The following PHC3 variants were observed in gnomAD, a reference collection of about 807,000 sequenced individuals.
The protein encoded by PHC3 is polyhomeotic homolog 3, also known as polyhomeotic-like protein 3.
Under a neutral mutation model 107.4 loss-of-function variants are expected in PHC3, and 13 were observed. That is an observed-to-expected ratio of 0.12 (90% CI 0.08 to 0.19). The LOEUF is 0.19. Among genes scored for constraint, PHC3 ranks in the 10% least tolerant of loss-of-function variants. The probability of loss-of-function intolerance (pLI) is 1.00; values close to 1 mark genes in which losing one functional copy is unlikely to be tolerated. For synonymous variants in PHC3, 456 were observed against 427.4 expected, an observed-to-expected ratio of 1.07 and a Z score of -0.83; for missense variants, 992 against 1,210.9, an observed-to-expected ratio of 0.82 and a Z score of 2.68.
intron 7 of PHC3, among the ~76,000 whole-genome samples, chr3:170,132,020 C>T (rs1193973220): frequency 6.6e-6 from 1 of 151,986 alleles, no homozygotes; most frequent in African/African-American, 2.4e-5. Context: ...ACATATATTA[C>T]AGAATAATTA....
chr3:170,114,281 T>G (rs2108353680), intron 10 of PHC3, among the ~76,000 whole-genome samples: 1 of 152,326 alleles, frequency 6.6e-6, no homozygotes, highest in African/African-American at 2.4e-5. Context: ...AGTGCTGGGA[T>G]TACAGGCGTG....
rs566884157 is a variant in PHC3, at chr3:170,092,954, CTA to C, written c.*4274_*4275del. On this transcript the variant is annotated 3_prime_UTR_variant, in exon 15 of 15. Transcript: ENST00000495893. ...ATCTAACAAAACGCATTATTTTGAA[CTA>C]TGGATGAAAGCCATATCTATCCTAA... The C allele has an allele frequency of 6.6e-6, 1 of 152,304 alleles. No homozygotes were observed. Among genetic ancestry groups the C allele is most frequent in the South Asian group, 2.1e-4 (1 of 4,822 alleles). The allele number at this position is 152,304 out of a possible 1,614,324, so 9.4% of individuals were successfully genotyped here. A position where few individuals can be genotyped will look rare whatever the true frequency, so the allele number is the denominator to read the frequency against.
rs1352192822 is a variant in PHC3, at chr3:170,095,358, GTAAACATCTTTTTT to G, written c.*1858_*1871del. 6.6e-6 allele frequency: 1 copy of G among 152,018 alleles called. No homozygotes were observed. The highest frequency in any genetic ancestry group is 2.4e-5 in the African/African-American group (1 of 41,392). 9.4% of individuals were successfully genotyped at this position (152,018 alleles called of 1,614,324 possible). A position where few individuals can be genotyped will look rare whatever the true frequency, so the allele number is the denominator to read the frequency against. On this transcript the variant is annotated 3_prime_UTR_variant, in exon 15 of 15. Coordinates refer to ENST00000495893, the MANE Select transcript of PHC3 (RefSeq NM_024947.4). ...ATTCTAATCCTACATGTAACTATCA[GTAAACATCTTTTTT>G]TAAAACATTACTACACAAAGAATTC...
intron 5 of PHC3, chr3:170,148,838 C>T: frequency 2.9e-6 from 1 of 349,516 alleles, no homozygotes; most frequent in Non-Finnish European, 5.3e-6. Context: ...AATAATCACT[C>T]TTACGTTACT....
chr3:170,112,184 T>C (rs780100142), intron 11 of PHC3, among the ~76,000 whole-genome samples: 18 of 152,264 alleles, frequency 1.2e-4, no homozygotes, highest in Admixed American at 3.3e-4. Flanking sequence ...TTCAGTCATT[T>C]TGGATACCAC....
chr3:170,117,443 C>T lies in PHC3; in HGVS notation c.1976G>A (p.Ser659Asn), dbSNP rs769089100. 2.6e-5 allele frequency: 42 copies of T among 1,613,400 alleles called. No individual in the cohort carries two copies. Among genetic ancestry groups the T allele is most frequent in the Non-Finnish European group, 3.6e-5 (42 of 1,179,674 alleles). ...QVELPAVASVSASVIKSPSDP... is the reference protein window; with the variant it reads ...QVELPAVASVNASVIKSPSDP... ...TGATGGAGATTTAATTACTGAAGCA[C>T]TGACTGATGCCACAGCAGGTAATTC... The change falls in exon 10 of 15, where the codon AGT becomes AAT. Residue 659 changes from serine to asparagine, a missense_variant. Ser to Asn is a conservative substitution (Grantham distance 46). Coordinates refer to ENST00000495893, the MANE Select transcript of PHC3 (RefSeq NM_024947.4).
chr3:170,132,752 AGATT>A (rs1314971158), intron 7 of PHC3, among the ~76,000 whole-genome samples: 3 of 152,242 alleles, frequency 2.0e-5, no homozygotes, highest in Non-Finnish European at 4.4e-5. Flanking sequence ...CAGCTGGAGC[AGATT>A]GATTAATACA....
At chr3:170,169,728 A>G (rs1729290395) in intron 4 of PHC3, 1 of 152,264 alleles carries the variant, frequency 6.6e-6, no homozygotes, top group African/African-American at 2.4e-5. Context: ...GACAGTTTAA[A>G]AAGATACCTT....
At chr3:170,126,634 C>A (rs909084834) in intron 8 of PHC3, among the ~76,000 whole-genome samples, 2 of 150,742 alleles carry the variant, frequency 1.3e-5, no homozygotes, top group Non-Finnish European at 2.9e-5. Flanking sequence ...CTCTGCCTCA[C>A]GGGTTCAAGC....
intron 8 of PHC3, among the ~76,000 whole-genome samples, chr3:170,124,400 T>C (rs1355848071): frequency 6.6e-6 from 1 of 152,180 alleles, no homozygotes; most frequent in Non-Finnish European, 1.5e-5. Flanking sequence ...AAGTGTTTTT[T>C]GAGAAAGGGT....
intron 6 of PHC3, among the ~76,000 whole-genome samples, 174 bp from the exon 7 acceptor site, chr3:170,136,839 A>C (rs1168617459): frequency 6.6e-6 from 1 of 152,146 alleles, no homozygotes; most frequent in African/African-American, 2.4e-5. Context: ...TATTATTCTA[A>C]GTAATCACAT....
chr3:170,176,220 G>A (rs559078703), intron 2 of PHC3, among the ~76,000 whole-genome samples: 3 of 135,284 alleles, frequency 2.2e-5, no homozygotes, highest in Admixed American at 1.5e-4. Flanking sequence ...AGCGAGACTC[G>A]GTCTCAAAAA....
chr3:170,154,773 C>A (rs1726622159), intron 4 of PHC3, among the ~76,000 whole-genome samples: 1 of 152,174 alleles, frequency 6.6e-6, no homozygotes, highest in Admixed American at 6.5e-5. Context: ...ACTAATAACA[C>A]CCAACTCATG....
intron 4 of PHC3, among the ~76,000 whole-genome samples, chr3:170,162,093 T>C (rs1049541163): frequency 6.6e-6 from 1 of 152,220 alleles, no homozygotes; most frequent in South Asian, 2.1e-4. Flanking sequence ...GGAAGTTAAA[T>C]GACTTGCCAT....
chr3:170,090,418 A>G lies in PHC3; in HGVS notation c.*6812T>C, dbSNP rs1339774214. On this transcript the variant is annotated 3_prime_UTR_variant, in exon 15 of 15. Transcript: ENST00000495893. Reference sequence around the variant, plus strand: ...AAACACTGCACATGTAAGTGTTCAAATAGTTTGCTAAATGAATTTAAGTAC... The same window carrying G: ...AAACACTGCACATGTAAGTGTTCAAGTAGTTTGCTAAATGAATTTAAGTAC... The G allele has an allele frequency of 2.0e-5, 3 of 150,458 alleles. No individual in the cohort carries two copies. The highest frequency in any genetic ancestry group is 7.5e-5 in the African/African-American group (3 of 39,808). 9.3% of individuals were successfully genotyped at this position (150,458 alleles called of 1,614,324 possible). A position where few individuals can be genotyped will look rare whatever the true frequency, so the allele number is the denominator to read the frequency against.
At chr3:170,111,378 A>AAGAG (rs577839739) in intron 11 of PHC3, among the ~76,000 whole-genome samples, 5 of 149,958 alleles carry the variant, frequency 3.3e-5, no homozygotes, top group Non-Finnish European at 5.9e-5. Flanking sequence ...AAAAGAAAGA[A>AAGAG]AGAGAGAGAA....
intron 4 of PHC3, among the ~76,000 whole-genome samples, chr3:170,153,405 G>C (rs1385324929): frequency 6.6e-6 from 1 of 152,042 alleles, no homozygotes; most frequent in Non-Finnish European, 1.5e-5. Flanking sequence ...CCTCTTACTG[G>C]AATCTTGTCA....
chr3:170,099,155 CAAG>C (rs1715054699), intron 14 of PHC3, among the ~76,000 whole-genome samples: 1 of 152,156 alleles, frequency 6.6e-6, no homozygotes. Flanking sequence ...GGAATAGAAA[CAAG>C]GAGTTCTCCA....
chr3:170,169,398 C>G (rs1447210838), intron 4 of PHC3, among the ~76,000 whole-genome samples: 1 of 151,842 alleles, frequency 6.6e-6, no homozygotes, highest in Non-Finnish European at 1.5e-5. Context: ...TTACCATGCT[C>G]CCCCCCGTTT....
Sources: allele counts gnomAD v4.1 joint callset (sites outside exome capture counted in the v4.1 genomes callset), GRCh38; gene constraint gnomAD v4.1.1; transcripts MANE v1.5; gene names NCBI Gene and HGNC (gene_info 2026-07-23, HGNC 2026-07-21).